Variants in LHFPL2 observed in about 807,000 individuals in gnomAD.
LHFPL2 encodes the protein LHFPL tetraspan subfamily member 2 protein.
LHFPL2 carries 7 observed loss-of-function variants against 17.5 expected under a neutral mutation model. The observed-to-expected ratio is 0.40, with a 90% CI of 0.23 to 0.75. The LOEUF is 0.75. Ranked by LOEUF, LHFPL2 falls within the 30% of genes least tolerant of loss-of-function variation. The pLI is 0.37. For missense variants in LHFPL2, 241 were observed against 294.8 expected, an observed-to-expected ratio of 0.82 and a Z score of 1.34; for synonymous variants, 134 against 116.2, an observed-to-expected ratio of 1.15 and a Z score of -0.99.
chr5:78,565,721 G>A (rs1315032841), intron 2 of LHFPL2, among the ~76,000 whole-genome samples: 2 of 152,190 alleles, frequency 1.3e-5, no homozygotes, highest in African/African-American at 2.4e-5. Flanking sequence ...GTTAAAAGAA[G>A]TAGAGAACCT....
intron 2 of LHFPL2, among the ~76,000 whole-genome samples, chr5:78,565,144 TTCCCCTCAC>T (rs1346697494): frequency 2.6e-5 from 4 of 152,212 alleles, no homozygotes; most frequent in African/African-American, 9.6e-5. Context: ...ATCGTTTCCT[TTCCCCTCAC>T]AAGGGGACCA....
chr5:78,587,964 C>T (rs941286933), intron 2 of LHFPL2, among the ~76,000 whole-genome samples: 1 of 152,224 alleles, frequency 6.6e-6, no homozygotes, highest in Non-Finnish European at 1.5e-5. Context: ...ATGTTCTCTG[C>T]CCCTCCCTCC....
At chr5:78,587,189 T>G (rs565561336) in intron 2 of LHFPL2, among the ~76,000 whole-genome samples, 3 of 152,284 alleles carry the variant, frequency 2.0e-5, no homozygotes, top group East Asian at 3.9e-4. Flanking sequence ...CTAGCAATAT[T>G]AAGTTAAAAT....
chr5:78,606,572 A>C (rs1309526760), intron 2 of LHFPL2, among the ~76,000 whole-genome samples: 3 of 152,216 alleles, frequency 2.0e-5, no homozygotes, highest in African/African-American at 7.2e-5. Flanking sequence ...TCTCTGGGGA[A>C]ATCCAGCTGT....
At chr5:78,540,750 C>T (rs1756086242) in intron 3 of LHFPL2, among the ~76,000 whole-genome samples, 1 of 152,228 alleles carries the variant, frequency 6.6e-6, no homozygotes, top group South Asian at 2.1e-4. Context: ...GACAACAGCT[C>T]CTCCTCCTTG....
At chr5:78,618,460 G>A (rs2112495581) in intron 2 of LHFPL2, among the ~76,000 whole-genome samples, 1 of 152,262 alleles carries the variant, frequency 6.6e-6, no homozygotes, top group East Asian at 1.9e-4. Context: ...CTGGTCTAGA[G>A]GCTTGGTTTG....
At chr5:78,566,192 T>C (rs911336610) in intron 2 of LHFPL2, among the ~76,000 whole-genome samples, 2 of 152,218 alleles carry the variant, frequency 1.3e-5, no homozygotes, top group East Asian at 1.9e-4. Context: ...AATACAGCCA[T>C]GGGCTAACAA....
intron 2 of LHFPL2, among the ~76,000 whole-genome samples, chr5:78,613,467 A>C (rs1415825963): frequency 2.0e-5 from 3 of 152,176 alleles, no homozygotes; most frequent in Non-Finnish European, 4.4e-5. Flanking sequence ...CATCATTTAC[A>C]CAAGTCACTT....
chr5:78,583,868 T>C (rs1461991524), intron 2 of LHFPL2, among the ~76,000 whole-genome samples: 1 of 150,200 alleles, frequency 6.7e-6, no homozygotes, highest in South Asian at 2.1e-4. Context: ...GATAATATCC[T>C]GCAGAGTGTT....
At chr5:78,617,194 A>T (rs1265527397) in intron 2 of LHFPL2, among the ~76,000 whole-genome samples, 2 of 151,872 alleles carry the variant, frequency 1.3e-5, no homozygotes, top group African/African-American at 4.8e-5. Context: ...ACGCCCAGAT[A>T]ATTTTTTGTA....
chr5:78,494,571 C>G (rs1561304084), intron 4 of LHFPL2: 1 of 963,890 alleles, frequency 1.0e-6, no homozygotes, highest in East Asian at 1.2e-4. Context: ...GATGGTCAGT[C>G]ACTTGGACTG....
intron 2 of LHFPL2, among the ~76,000 whole-genome samples, chr5:78,584,994 T>TTTTTTAAGCCC (rs1561352328): frequency 1.1e-5 from 1 of 89,170 alleles, no homozygotes; most frequent in African/African-American, 4.6e-5. Flanking sequence ...TGGTGCGCTG[T>TTTTTTAAGCCC]GTTTTTTTTT....
At chr5:78,598,978 T>TA (rs750436965) in intron 2 of LHFPL2, among the ~76,000 whole-genome samples, 9 of 152,306 alleles carry the variant, frequency 5.9e-5, no homozygotes, top group Middle Eastern at 3.4e-3. Flanking sequence ...AATTTGAACA[T>TA]ACGGTAATTT....
intron 1 of LHFPL2, among the ~76,000 whole-genome samples, chr5:78,645,261 T>A: frequency 6.6e-6 from 1 of 151,496 alleles, no homozygotes; most frequent in Non-Finnish European, 1.5e-5. Flanking sequence ...TTTTTTTTTT[T>A]CTTCTAATGT....
intron 2 of LHFPL2, among the ~76,000 whole-genome samples, chr5:78,586,711 C>T (rs766269657): frequency 8.6e-5 from 13 of 152,028 alleles, no homozygotes; most frequent in African/African-American, 1.2e-4. Context: ...AAAAACTTCC[C>T]GGTTTTTATA....
At chr5:78,520,904 G>A (rs900558449) in intron 3 of LHFPL2, among the ~76,000 whole-genome samples, 5 of 152,180 alleles carry the variant, frequency 3.3e-5, no homozygotes, top group African/African-American at 7.2e-5. Flanking sequence ...ATCACTGACC[G>A]TTCCTTTCTT....
At chr5:78,574,781 A>G (rs915599588) in intron 2 of LHFPL2, among the ~76,000 whole-genome samples, 6 of 152,206 alleles carry the variant, frequency 3.9e-5, no homozygotes, top group African/African-American at 7.2e-5. Context: ...AATTCTGCTG[A>G]TGCATGTTTT....
In LHFPL2 at chr5:78,616,662, T is replaced by C. The variant is rs1045911089; in HGVS notation, c.-245+15602A>G. Among the ~76,000 whole-genome samples, 7 of 152,172 alleles carry C rather than the reference T, an allele frequency of 4.6e-5. No individual in the cohort carries two copies. The South Asian group carries it at 8.3e-4, about 18-fold the overall frequency. On this transcript the variant is annotated intron_variant, in intron 2 of 4. Coordinates refer to ENST00000380345, the MANE Select transcript of LHFPL2 (RefSeq NM_005779.3). Reference sequence around the variant, plus strand: ...TAGGAAGTCTAAGGACATGCAATTGTCACTGGCAGCCCTTCAGAGCCTTTG... The same window carrying C: ...TAGGAAGTCTAAGGACATGCAATTGCCACTGGCAGCCCTTCAGAGCCTTTG...
intron 2 of LHFPL2, among the ~76,000 whole-genome samples, chr5:78,597,814 TCAGTGCATCATATGCACTG>T (rs2112468908): frequency 6.6e-6 from 1 of 152,306 alleles, no homozygotes; most frequent in Non-Finnish European, 1.5e-5. Flanking sequence ...GTGATGGAAT[TCAGTGCATCATATGCACTG>T]AATTAGTATC....
Sources: gnomAD v4.1 joint callset for allele counts (sites outside exome capture counted in the v4.1 genomes callset) on GRCh38, gnomAD v4.1.1 for gene constraint, MANE v1.5 for transcripts, NCBI Gene and HGNC (gene_info 2026-07-23, HGNC 2026-07-21) for gene names.